The following SUGCT variants were observed in gnomAD, a reference collection of about 807,000 sequenced individuals.
SUGCT encodes succinyl-CoA:glutarate CoA-transferase.
In SUGCT, 41 loss-of-function variants were observed where a neutral mutation model predicts 55.0. The observed-to-expected ratio is 0.74, with a 90% CI of 0.58 to 0.97. The LOEUF (loss-of-function observed/expected upper bound fraction) is 0.97. Among genes scored for constraint, SUGCT ranks in the 50% least tolerant of loss-of-function variants. The probability of loss-of-function intolerance (pLI) is 0.00; values close to 1 mark genes in which losing one functional copy is unlikely to be tolerated. For missense variants in SUGCT, 568 were observed against 547.8 expected, an observed-to-expected ratio of 1.04 and a Z score of -0.37; for synonymous variants, 187 against 200.4, an observed-to-expected ratio of 0.93 and a Z score of 0.56.
At chr7:40,865,765 T>G in the SUGCT span, among the ~76,000 whole-genome samples, 1 of 152,096 alleles carries the variant, frequency 6.6e-6, no homozygotes, top group Non-Finnish European at 1.5e-5. Context: ...AAAGGAAAAT[T>G]TACTTGGCCT....
chr7:40,778,088 G>T (rs755595866), intron 13 of SUGCT, among the ~76,000 whole-genome samples: 2 of 152,192 alleles, frequency 1.3e-5, no homozygotes, highest in Non-Finnish European at 2.9e-5. Context: ...CCACAGAGAG[G>T]ACTGGGACAC....
chr7:40,455,773 T>C (rs1234379293), intron 10 of SUGCT, among the ~76,000 whole-genome samples: 2 of 152,266 alleles, frequency 1.3e-5, no homozygotes, highest in East Asian at 3.8e-4. Flanking sequence ...TCTCTGTTTC[T>C]GCACCTTCCT....
the SUGCT span, among the ~76,000 whole-genome samples, chr7:40,933,223 G>A: frequency 0.011 from 1,709 of 152,214 alleles, 13 homozygotes; most frequent in Middle Eastern, 0.037. Context: ...GAAATTCTGG[G>A]TTGAAAATTC....
At chr7:40,867,369 A>G in the SUGCT span, among the ~76,000 whole-genome samples, 4 of 150,310 alleles carry the variant, frequency 2.7e-5, no homozygotes, top group African/African-American at 9.7e-5. Context: ...GGGAGAGAGC[A>G]AGAGAGAGAG....
intron 9 of SUGCT, among the ~76,000 whole-genome samples, chr7:40,318,049 T>C (rs1301535068): frequency 3.3e-5 from 5 of 152,242 alleles, no homozygotes; most frequent in African/African-American, 9.6e-5. Flanking sequence ...TGACTGACCC[T>C]ATACTTCTAA....
chr7:40,595,083 A>G (rs1797930504), intron 12 of SUGCT, among the ~76,000 whole-genome samples: 1 of 152,188 alleles, frequency 6.6e-6, no homozygotes, highest in Admixed American at 6.5e-5. Context: ...TTAATATTCT[A>G]AGTAAGAAAC....
intron 11 of SUGCT, among the ~76,000 whole-genome samples, chr7:40,463,700 A>C (rs1274461360): frequency 1.3e-5 from 2 of 152,136 alleles, no homozygotes; most frequent in East Asian, 3.9e-4. Context: ...ATTCCCCTCA[A>C]ATGCTCTCAA....
chr7:40,198,098 G>C (rs1322991478), intron 6 of SUGCT, among the ~76,000 whole-genome samples: 1 of 152,140 alleles, frequency 6.6e-6, no homozygotes, highest in Admixed American at 6.6e-5. Flanking sequence ...AGGAATGAGA[G>C]GGTGATAGGC....
At chr7:40,266,218 C>T (rs10252609) in intron 7 of SUGCT, among the ~76,000 whole-genome samples, 54,807 of 103,150 alleles carry the variant, frequency 0.53, 11,558 homozygotes, top group East Asian at 0.62. Context: ...GAGTTTTGCT[C>T]TTGTTGCCAA....
the SUGCT span, among the ~76,000 whole-genome samples, chr7:40,917,893 G>A: frequency 4.6e-5 from 7 of 152,038 alleles, no homozygotes; most frequent in Non-Finnish European, 7.4e-5. Context: ...TCTCTCAAAG[G>A]CTCCATCTCT....
intron 6 of SUGCT, among the ~76,000 whole-genome samples, chr7:40,224,317 T>G (rs1461114053): frequency 2.6e-5 from 4 of 152,154 alleles, no homozygotes; most frequent in Admixed American, 2.6e-4. Flanking sequence ...TGCGATTTAT[T>G]TTCATTTAGT....
chr7:40,313,758 T>G (rs1171088197), intron 8 of SUGCT, among the ~76,000 whole-genome samples: 1 of 151,868 alleles, frequency 6.6e-6, no homozygotes, highest in Non-Finnish European at 1.5e-5. Context: ...TTTTTTTTTT[T>G]TGTTTTGTAT....
chr7:40,695,794 T>A (rs546736193), intron 12 of SUGCT, among the ~76,000 whole-genome samples: 1 of 152,278 alleles, frequency 6.6e-6, no homozygotes, highest in African/African-American at 2.4e-5. Flanking sequence ...TTCCCTGTCC[T>A]CTACTCACTA....
At chr7:40,327,012 G>A (rs1038151312) in intron 9 of SUGCT, among the ~76,000 whole-genome samples, 11 of 152,192 alleles carry the variant, frequency 7.2e-5, no homozygotes, top group African/African-American at 2.7e-4. Flanking sequence ...TATTGGGAAC[G>A]AAAGAGTAGG....
the SUGCT span, among the ~76,000 whole-genome samples, chr7:40,977,893 G>A: frequency 6.6e-6 from 1 of 152,252 alleles, no homozygotes; most frequent in African/African-American, 2.4e-5. Context: ...TCTGGCTGAT[G>A]TATTTCTGTG....
At chr7:40,175,343 C>A (rs148923689) in intron 1 of SUGCT, among the ~76,000 whole-genome samples, 1 of 152,006 alleles carries the variant, frequency 6.6e-6, no homozygotes, top group Non-Finnish European at 1.5e-5. Context: ...CCTCAGCCCC[C>A]CTAGTAGCTG....
chr7:40,335,267 T>C (rs1409580771), intron 9 of SUGCT, among the ~76,000 whole-genome samples: 1 of 152,216 alleles, frequency 6.6e-6, no homozygotes, highest in Non-Finnish European at 1.5e-5. Flanking sequence ...AACTTTAGTT[T>C]TTTCCAATTC....
At chr7:40,942,116 A>G in the SUGCT span, among the ~76,000 whole-genome samples, 1 of 152,212 alleles carries the variant, frequency 6.6e-6, no homozygotes, top group Admixed American at 6.6e-5. Flanking sequence ...ATTGTTACCT[A>G]GATACTTTAA....
intron 1 of SUGCT, among the ~76,000 whole-genome samples, chr7:40,161,374 T>A (rs1463501724): frequency 6.6e-6 from 1 of 152,202 alleles, no homozygotes; most frequent in East Asian, 1.9e-4. Flanking sequence ...CTCTCTATAT[T>A]TTTTTGTGTC....
Sources: gnomAD v4.1 joint callset for allele counts (sites outside exome capture counted in the v4.1 genomes callset) on GRCh38, gnomAD v4.1.1 for gene constraint, MANE v1.5 for transcripts, NCBI Gene and HGNC (gene_info 2026-07-23, HGNC 2026-07-21) for gene names.